Variants in PARD3 observed in about 807,000 individuals in gnomAD.
PARD3 encodes the protein par-3 family cell polarity regulator.
In PARD3, 75 loss-of-function variants were observed where a neutral mutation model predicts 155.4. The ratio of observed to expected loss-of-function variants is 0.48; its 90% CI spans 0.40 to 0.58. The LOEUF (loss-of-function observed/expected upper bound fraction) is 0.58, where lower values mean the gene tolerates loss of function less well. PARD3 is among the 20% of genes least tolerant of loss of function. The pLI, the probability that PARD3 is intolerant of heterozygous loss-of-function variation, is 0.00. For missense variants in PARD3, 1,642 were observed against 1,721.7 expected (o/e 0.95, Z 0.82); for synonymous variants, 576 against 610.5 (o/e 0.94, Z 0.83).
intron 9 of PARD3, among the ~76,000 whole-genome samples, chr10:34,378,964 C>T (rs1417505849): frequency 6.6e-6 from 1 of 152,132 alleles, no homozygotes; most frequent in Non-Finnish European, 1.5e-5. Flanking sequence ...AAGAAGCCAA[C>T]ACGTGCCCAG....
chr10:34,494,415 A>C (rs967843252), intron 3 of PARD3, among the ~76,000 whole-genome samples: 1 of 152,214 alleles, frequency 6.6e-6, no homozygotes, highest in Non-Finnish European at 1.5e-5. Context: ...AGTATTCTTA[A>C]CCGTACTGGG....
chr10:34,652,433 C>A lies in PARD3; in HGVS notation c.222+43885G>T, dbSNP rs753749380. The stretch of plus-strand genomic sequence containing the variant: ...AGTCACATTTCACTTTCTTCCCAAG[C>A]TAACCACCAGAACCCAGAAAACAGG... On this transcript the variant is annotated intron_variant, in intron 2 of 24. Coordinates refer to ENST00000374788, the MANE Select transcript of PARD3 (RefSeq NM_001184785.2). Among the ~76,000 whole-genome samples, 50 of 152,216 alleles carry A rather than the reference C, an allele frequency of 3.3e-4. 1 individual carries two copies. The highest frequency in any genetic ancestry group is 3.1e-4 in the Non-Finnish European group (21 of 68,038).
intron 1 of PARD3, among the ~76,000 whole-genome samples, chr10:34,750,618 GAACT>G (rs1835906556): frequency 6.6e-6 from 1 of 151,840 alleles, no homozygotes; most frequent in Non-Finnish European, 1.5e-5. Context: ...TTTCTTCTCT[GAACT>G]AATTAAGTTT....
chr10:34,390,130 A>C (rs1842747835), intron 7 of PARD3, among the ~76,000 whole-genome samples: 1 of 151,336 alleles, frequency 6.6e-6, no homozygotes, highest in Admixed American at 6.6e-5. Flanking sequence ...TTATTAAATT[A>C]AAATTGAGTA....
intron 1 of PARD3, among the ~76,000 whole-genome samples, chr10:34,733,438 A>C (rs926142948): frequency 2.6e-5 from 4 of 152,184 alleles, no homozygotes; most frequent in African/African-American, 9.6e-5. Context: ...TTAAAAAGAA[A>C]AATTATTCAG....
intron 9 of PARD3, among the ~76,000 whole-genome samples, chr10:34,379,046 C>T (rs1841555858): frequency 6.6e-6 from 1 of 152,014 alleles, no homozygotes; most frequent in African/African-American, 2.4e-5. Flanking sequence ...TCTACCTAAG[C>T]TTTTTTAAAA....
intron 22 of PARD3, among the ~76,000 whole-genome samples, chr10:34,217,955 C>T (rs1322376277): frequency 6.6e-6 from 1 of 152,160 alleles, no homozygotes; most frequent in Non-Finnish European, 1.5e-5. Flanking sequence ...GAACTGGACA[C>T]ATTGGGGGGC....
chr10:34,386,518 T>C (rs1166548844), intron 7 of PARD3, among the ~76,000 whole-genome samples: 1 of 152,170 alleles, frequency 6.6e-6, no homozygotes, highest in Non-Finnish European at 1.5e-5. Context: ...AAGTGTTCTA[T>C]CATAGGAATC....
intron 1 of PARD3, among the ~76,000 whole-genome samples, chr10:34,702,692 G>A (rs1404446286): frequency 6.6e-6 from 1 of 152,220 alleles, no homozygotes; most frequent in Non-Finnish European, 1.5e-5. Context: ...CTAGAGGTGG[G>A]AAGATCTTTC....
chr10:34,659,357 G>A (rs12261072), intron 2 of PARD3, among the ~76,000 whole-genome samples: 3,112 of 152,176 alleles, frequency 0.02, 111 homozygotes, highest in African/African-American at 0.071. Context: ...CAAAAAAGTA[G>A]AGAGGATAAT....
intron 22 of PARD3, among the ~76,000 whole-genome samples, chr10:34,268,305 A>G (rs1425177706): frequency 6.6e-6 from 1 of 151,990 alleles, no homozygotes; most frequent in Non-Finnish European, 1.5e-5. Flanking sequence ...ATGTGGAGAA[A>G]TAGGAACACT....
At chr10:34,272,245 G>A (rs1332551646) in intron 21 of PARD3, among the ~76,000 whole-genome samples, 1 of 152,098 alleles carries the variant, frequency 6.6e-6, no homozygotes, top group African/African-American at 2.4e-5. Context: ...ACTAGTGCGT[G>A]GAGAAGGGTT....
intron 22 of PARD3, among the ~76,000 whole-genome samples, chr10:34,222,199 C>T (rs1356571917): frequency 6.6e-6 from 1 of 152,080 alleles, no homozygotes; most frequent in African/African-American, 2.4e-5. Flanking sequence ...ATTTTAATAC[C>T]TTTAAAGGGA....
intron 2 of PARD3, among the ~76,000 whole-genome samples, chr10:34,628,044 C>A (rs1016432462): frequency 6.6e-6 from 1 of 152,130 alleles, no homozygotes; most frequent in African/African-American, 2.4e-5. Flanking sequence ...CTGCCCCACT[C>A]TCCTGGGATT....
intron 5 of PARD3, among the ~76,000 whole-genome samples, chr10:34,436,572 G>A (rs2076198570): frequency 6.6e-6 from 1 of 151,876 alleles, no homozygotes; most frequent in African/African-American, 2.4e-5. Context: ...TAATATTCCT[G>A]TACAATGTGT....
chr10:34,300,915 T>C (rs551323635), intron 20 of PARD3, among the ~76,000 whole-genome samples: 19 of 152,288 alleles, frequency 1.2e-4, no homozygotes, highest in African/African-American at 4.6e-4. Context: ...GGCAGCAAAA[T>C]CAATCACCAA....
chr10:34,617,270 A>ATTTTCC (rs2091321931), intron 2 of PARD3, among the ~76,000 whole-genome samples: 1 of 152,074 alleles, frequency 6.6e-6, no homozygotes, highest in African/African-American at 2.4e-5. Flanking sequence ...AAATAAATAA[A>ATTTTCC]TAAATAAAAA....
chr10:34,562,299 T>C (rs552805754), intron 2 of PARD3, among the ~76,000 whole-genome samples: 10 of 151,842 alleles, frequency 6.6e-5, no homozygotes, highest in Non-Finnish European at 1.5e-4. Flanking sequence ...CAGCTGGGCG[T>C]GGTGGCATGT....
chr10:34,483,123 C>T (rs916144365), intron 3 of PARD3, among the ~76,000 whole-genome samples: 2 of 151,612 alleles, frequency 1.3e-5, no homozygotes, highest in Non-Finnish European at 1.5e-5. Flanking sequence ...ACCACTGCAC[C>T]CCAGCCTGGG....
Sources: allele counts gnomAD v4.1 joint callset (sites outside exome capture counted in the v4.1 genomes callset), GRCh38; gene constraint gnomAD v4.1.1; transcripts MANE v1.5; gene names NCBI Gene and HGNC (gene_info 2026-07-23, HGNC 2026-07-21).